The following RCHY1 variants were observed in gnomAD, a reference collection of about 807,000 sequenced individuals.
The protein encoded by RCHY1 is ring finger and CHY zinc finger domain containing 1.
In RCHY1, 21 loss-of-function variants were observed where a neutral mutation model predicts 41.6. The observed-to-expected ratio is 0.51, with a 90% CI of 0.36 to 0.73. The LOEUF (loss-of-function observed/expected upper bound fraction) is 0.73, where lower values mean the gene tolerates loss of function less well. RCHY1 is among the 30% of genes least tolerant of loss of function. RCHY1 has a pLI of 0.00. For synonymous variants in RCHY1, 79 were observed against 102.9 expected, an observed-to-expected ratio of 0.77 and a Z score of 1.41; for missense variants, 265 against 325.3, an observed-to-expected ratio of 0.81 and a Z score of 1.43.
intron 4 of RCHY1, among the ~76,000 whole-genome samples, chr4:75,492,933 C>T (rs1473244135): frequency 1.3e-5 from 2 of 151,848 alleles, no homozygotes; most frequent in African/African-American, 4.8e-5. Flanking sequence ...TAAAGTGCAC[C>T]TCACACATAC....
At chr4:75,514,133 G>T (rs2148792213) in intron 1 of RCHY1, 64 bp downstream of exon 1, 2 of 1,570,726 alleles carry the variant, frequency 1.3e-6, no homozygotes, top group South Asian at 1.1e-5. Flanking sequence ...CTAACCACCT[G>T]CCCAGCCCGC....
At chr4:75,493,291 A>T (rs893744634) in intron 4 of RCHY1, among the ~76,000 whole-genome samples, 1 of 151,822 alleles carries the variant, frequency 6.6e-6, no homozygotes, top group Non-Finnish European at 1.5e-5. Context: ...CCATTACCAC[A>T]TCATATATGT....
intron 8 of RCHY1, among the ~76,000 whole-genome samples, chr4:75,489,773 C>A (rs1331786719): frequency 1.3e-5 from 2 of 152,186 alleles, no homozygotes; most frequent in East Asian, 3.8e-4. Context: ...TGACTAAGAA[C>A]AATCAAACCC....
chr4:75,495,809 C>T (rs1337546512), intron 3 of RCHY1, among the ~76,000 whole-genome samples: 2 of 151,888 alleles, frequency 1.3e-5, no homozygotes, highest in African/African-American at 2.4e-5. Context: ...TTTTGGTTTC[C>T]GAATGGATAA....
chr4:75,492,476 T>C (rs1164056588), intron 4 of RCHY1, among the ~76,000 whole-genome samples: 1 of 151,936 alleles, frequency 6.6e-6, no homozygotes, highest in Non-Finnish European at 1.5e-5. Context: ...CTAAGGAACT[T>C]CCAAAGTCAC....
At chr4:75,509,097 T>A in intron 2 of RCHY1, 80 bp downstream of exon 2, 1 of 1,376,810 alleles carries the variant, frequency 7.3e-7, no homozygotes. Flanking sequence ...AAATCTTATT[T>A]ATGATACTTT....
At chr4:75,502,452 A>C (rs1369890385) in intron 3 of RCHY1, among the ~76,000 whole-genome samples, 1 of 151,778 alleles carries the variant, frequency 6.6e-6, no homozygotes, top group Non-Finnish European at 1.5e-5. Flanking sequence ...AGGCAGGAAA[A>C]AGGCATGAAC....
At chr4:75,498,322 G>A (rs922020062) in intron 3 of RCHY1, among the ~76,000 whole-genome samples, 5 of 151,700 alleles carry the variant, frequency 3.3e-5, no homozygotes, top group Non-Finnish European at 5.9e-5. Context: ...CTGAAGCCAT[G>A]ACAAAAAGTT....
At chr4:75,503,117 C>T (rs1174340131) in intron 3 of RCHY1, among the ~76,000 whole-genome samples, 1 of 152,158 alleles carries the variant, frequency 6.6e-6, no homozygotes, top group Non-Finnish European at 1.5e-5. Flanking sequence ...GCGTCTTGCA[C>T]ATTATAGGAT....
rs774811290 is a variant in RCHY1 at position 75,482,610 on chromosome 4, C to T, written c.714G>A (p.Met238Ile). ...RSTVQFHILG[M>I]KCKICESYNT... ...TATAGGATTCACAAATCTTACATTT[C>T]ATGCCTAATATATGAAACTGAACAG... Residue 238 changes from methionine to isoleucine, a missense_variant, in exon 9 of 9, where the codon ATG becomes ATA. Met to Ile is a conservative substitution (Grantham distance 10). Coordinates refer to ENST00000324439, the MANE Select transcript of RCHY1 (RefSeq NM_015436.4). 6.2e-7 allele frequency: 1 copy of T among 1,612,142 alleles called. No individual in the cohort carries two copies. The highest frequency in any genetic ancestry group is 1.1e-5 in the South Asian group (1 of 90,968).
intron 8 of RCHY1, 88 bp downstream of exon 8, chr4:75,490,493 A>ATT (rs11422865): frequency 8.8e-4 from 743 of 843,180 alleles, no homozygotes; most frequent in South Asian, 1.6e-3. Flanking sequence ...GTATATATAT[A>ATT]TTTTTTTTTT....
intron 1 of RCHY1, among the ~76,000 whole-genome samples, chr4:75,511,961 A>G (rs927509646): frequency 3.9e-5 from 6 of 152,020 alleles, no homozygotes; most frequent in African/African-American, 1.5e-4. Context: ...TTGCATCTCA[A>G]TTCCAAGCAT....
chr4:75,503,529 T>C (rs367879399), intron 3 of RCHY1, among the ~76,000 whole-genome samples: 40 of 152,134 alleles, frequency 2.6e-4, no homozygotes, highest in African/African-American at 9.6e-4. Context: ...ACCTCATCTC[T>C]ACTAAAAATA....
intron 1 of RCHY1, 44 bp downstream of exon 1, chr4:75,514,153 A>C (rs781270546): frequency 4.6e-5 from 73 of 1,584,418 alleles, no homozygotes; most frequent in Non-Finnish European, 5.4e-5. Context: ...CCCCAGCCCA[A>C]CCTGACGGAA....
At chr4:75,508,271 T>C (rs1724525458) in intron 3 of RCHY1, among the ~76,000 whole-genome samples, 1 of 152,122 alleles carries the variant, frequency 6.6e-6, no homozygotes, top group South Asian at 2.1e-4. Flanking sequence ...TTAGACACAC[T>C]TTACATACAT....
chr4:75,512,682 G>C (rs536202308), intron 1 of RCHY1, among the ~76,000 whole-genome samples: 13 of 151,980 alleles, frequency 8.6e-5, no homozygotes, highest in African/African-American at 2.9e-4. Flanking sequence ...TAAACCCCAA[G>C]AATACCCTAT....
chr4:75,496,724 T>C (rs1341545431), intron 3 of RCHY1, among the ~76,000 whole-genome samples: 1 of 152,084 alleles, frequency 6.6e-6, no homozygotes, highest in Non-Finnish European at 1.5e-5. Context: ...TCTAAACTGT[T>C]TCCAAGTAAC....
chr4:75,499,083 A>G (rs1362404005), intron 3 of RCHY1, among the ~76,000 whole-genome samples: 4 of 152,182 alleles, frequency 2.6e-5, no homozygotes, highest in Non-Finnish European at 5.9e-5. Context: ...AGACAACTTA[A>G]TAACAAAAAA....
intron 3 of RCHY1, among the ~76,000 whole-genome samples, chr4:75,503,444 T>C (rs1578231330): frequency 1.3e-5 from 2 of 152,092 alleles, no homozygotes; most frequent in Admixed American, 1.3e-4. Context: ...CACCTGTAAT[T>C]CCAGCATTTT....
Sources: gnomAD v4.1 joint callset for allele counts (sites outside exome capture counted in the v4.1 genomes callset) on GRCh38, gnomAD v4.1.1 for gene constraint, MANE v1.5 for transcripts, NCBI Gene and HGNC (gene_info 2026-07-23, HGNC 2026-07-21) for gene names.